Variants in MUC3A observed in about 807,000 individuals in gnomAD.
The protein encoded by MUC3A is mucin 3A, cell surface associated.
A neutral mutation model predicts 109.0 loss-of-function variants in MUC3A; 109 were observed. The ratio of observed to expected loss-of-function variants is 1.00; its 90% confidence interval spans 0.86 to 1.17. The LOEUF is 1.17. Among genes scored for constraint, MUC3A ranks in the 50% most tolerant of loss-of-function variants. MUC3A has a pLI of 0.00. For synonymous variants in MUC3A, 1,398 were observed against 981.4 expected (o/e 1.42, Z -7.93); for missense variants, 3,537 against 2,469.4 (o/e 1.43, Z -9.16).
At position 100,955,570 on chromosome 7, in the gene MUC3A, C is replaced by T; in HGVS notation, c.3791C>T (p.Pro1264Leu). Residue 1264 changes from proline to leucine, a missense_variant, in exon 2 of 12, where the codon CCA becomes CTA. Physicochemically the swap from Pro to Leu is moderately conservative, Grantham distance 98 (BLOSUM62 -3). Coordinates refer to ENST00000379458, the MANE Select transcript of MUC3A (RefSeq NM_005960.2). Reference protein sequence around the residue: ...MTSATTPSLRPTITSTDSTLT... With the variant: ...MTSATTPSLRLTITSTDSTLT... ...TCTGCCACCACTCCCAGTTTGAGACCAACTATCACAAGTACTGACAGCACT... is the reference window on the plus strand; with the variant it reads ...TCTGCCACCACTCCCAGTTTGAGACTAACTATCACAAGTACTGACAGCACT... The T allele has an allele frequency of 4.3e-6, 2 of 464,030 alleles. No individual in the cohort carries two copies. The highest frequency in any genetic ancestry group is 7.4e-6 in the Non-Finnish European group (2 of 269,110). The allele number at this position is 464,030 out of a possible 1,614,324, so 28.7% of individuals were successfully genotyped here. A position where few individuals can be genotyped will look rare whatever the true frequency, so the allele number is the denominator to read the frequency against.
rs747956433 is a variant in MUC3A at position 100,959,117 on chromosome 7, A to T, written c.7338A>T (p.Ser2446=). 2 of 1,409,802 alleles carry T rather than the reference A, an allele frequency of 1.4e-6. No individual in the cohort carries two copies. Among genetic ancestry groups the T allele is most frequent in the East Asian group, 5.1e-5 (2 of 39,556 alleles). 87.3% of individuals were successfully genotyped at this position (1,409,802 alleles called of 1,614,324 possible). The change falls in exon 2 of 12, where the codon TCA becomes TCT. Residue 2446 remains serine, a synonymous_variant. Transcript: ENST00000379458. ...AGAGTACTCCCAGCCTCAGTTCTTC[A>T]ACCATCTACTCCACAGTCAGCACAT... The part of the protein sequence containing the change: ...TSESTPSLSS[S]TIYSTVSTST...
At chr7:100,964,284 G>A (rs1444648794) in intron 5 of MUC3A, 5 of 156,778 alleles carry the variant, frequency 3.2e-5, no homozygotes, top group South Asian at 2.0e-4. Context: ...AGTAAAAATA[G>A]TAATAATAAT....
chr7:100,964,056 A>T, intron 5 of MUC3A: 1 of 568,472 alleles, frequency 1.8e-6, no homozygotes, highest in Non-Finnish European at 3.1e-6. Context: ...TGAGTGGGTC[A>T]GCATTAGAAA....
Position 100,949,547 on chromosome 7 carries a change from G to C in MUC3A, c.-78G>C. The C allele has an allele frequency of 8.0e-7, 1 of 1,247,220 alleles. No homozygotes were observed. Among genetic ancestry groups the C allele is most frequent in the South Asian group, 1.4e-5 (1 of 73,432 alleles). 77.3% of individuals were successfully genotyped at this position (1,247,220 alleles called of 1,614,324 possible). A position where few individuals can be genotyped will look rare whatever the true frequency, so the allele number is the denominator to read the frequency against. On this transcript the variant is annotated 5_prime_UTR_variant, in exon 1 of 12. Coordinates refer to ENST00000379458, the MANE Select transcript of MUC3A (RefSeq NM_005960.2). ...CCGATAACCAGCACTTTCATTACGTGCACGCCCCAGGGCCACGTCCCTGCC... is the reference window on the plus strand; with the variant it reads ...CCGATAACCAGCACTTTCATTACGTCCACGCCCCAGGGCCACGTCCCTGCC...
chr7:100,962,596 C>G (rs1041761075), intron 3 of MUC3A, among the ~76,000 whole-genome samples: 1 of 152,308 alleles, frequency 6.6e-6, no homozygotes, highest in Non-Finnish European at 1.5e-5. Flanking sequence ...TGCTTTCACT[C>G]ATCTCCACAC....
chr7:100,952,933 C>A lies in MUC3A; in HGVS notation c.1154C>A (p.Thr385Lys). The A allele has an allele frequency of 6.3e-7, 1 of 1,590,440 alleles. No individual in the cohort carries two copies. Among genetic ancestry groups the A allele is most frequent in the Non-Finnish European group, 8.5e-7 (1 of 1,176,232 alleles). Residue 385 changes from threonine (T) to lysine (K), a missense_variant, in exon 2 of 12, where the codon ACA becomes AAA. Transcript: ENST00000379458. ...ACAGAAACAGCCACGACTCCTATGA[C>A]AAACTTGGTAACCACCACCACTGAG... ...PTTETATTPM[T>K]NLVTTTTEIS...
Position 100,952,133 on chromosome 7 carries a change from C to A in MUC3A, c.354C>A (p.Thr118=). ...TCAAGGTTGAAACCACTCCACCCAC[C>A]GTGTTGGTCTATTCAGCCACCACTG... ...FAFKVETTPP[T]VLVYSATTEC... is the part of the protein sequence containing the mutation. The change falls in exon 2 of 12, where the codon ACC becomes ACA. Residue 118 remains threonine, a synonymous_variant. Transcript: ENST00000379458. The A allele has an allele frequency of 6.3e-7, 1 of 1,598,544 alleles. No individual in the cohort carries two copies. Among genetic ancestry groups the A allele is most frequent in the South Asian group, 1.1e-5 (1 of 91,088 alleles).
Position 100,960,032 on chromosome 7 carries a change from T to C in MUC3A, c.8253T>C (p.Ala2751=). The change falls in exon 2 of 12, where the codon GCT becomes GCC. Residue 2751 remains alanine (A), a synonymous_variant. Transcript: ENST00000379458. ...CAACCAGCTCCTCTCTGACCACAGC[T>C]CTCACTGAAATAACCCCCTTTTCTT... ...TSSTSSSLTT[A]LTEITPFSYI... 6.6e-7 allele frequency: 1 copy of C among 1,509,740 alleles called. No individual in the cohort carries two copies. Among genetic ancestry groups the C allele is most frequent in the Non-Finnish European group, 8.8e-7 (1 of 1,140,516 alleles). 93.5% of individuals were successfully genotyped at this position (1,509,740 alleles called of 1,614,324 possible). A position where few individuals can be genotyped will look rare whatever the true frequency, so the allele number is the denominator to read the frequency against.
rs1792566209 is a variant in MUC3A, at chr7:100,966,485, G to C, written c.9711G>C (p.Leu3237=). ...GGGGCCTGACGGCCGGCGCCGCGCT[G>C]CTGGTGCTGCTGCTGCTGGCGCTGG... ...LVGGLTAGAA[L]LVLLLLALGV... Residue 3237 remains leucine, a synonymous_variant, in exon 9 of 12, where the codon CTG becomes CTC. Transcript: ENST00000379458. 1.3e-5 allele frequency: 17 copies of C among 1,317,440 alleles called. No individual in the cohort carries two copies. The highest frequency in any genetic ancestry group is 1.5e-5 in the Non-Finnish European group (16 of 1,042,994). The allele number at this position is 1,317,440 out of a possible 1,614,324, so 81.6% of individuals were successfully genotyped here.
Position 100,960,435 on chromosome 7 carries a change from G to T in MUC3A, c.8656G>T (p.Val2886Phe), listed in dbSNP as rs759164409. 9.5e-5 allele frequency: 152 copies of T among 1,598,552 alleles called. No homozygotes were observed. In the South Asian group the frequency reaches 1.6e-3, roughly 16 times the overall value. ...TGTGATCCCCCTACCTCTTCCTGGC[G>T]TCTCTACCATCCCGCTCACCATGAA... Reference protein sequence around the residue: ...SSVIPLPLPGVSTIPLTMKPS... With the variant: ...SSVIPLPLPGFSTIPLTMKPS... Residue 2886 changes from valine to phenylalanine, a missense_variant, in exon 2 of 12, where the codon GTC becomes TTC. By Grantham distance (50) the Val-to-Phe change is conservative. Transcript: ENST00000379458.
At chr7:100,962,421 A>G (rs1006147723) in intron 3 of MUC3A, among the ~76,000 whole-genome samples, 2 of 152,262 alleles carry the variant, frequency 1.3e-5, no homozygotes, top group East Asian at 1.9e-4. Flanking sequence ...CTATCTCAAC[A>G]ATAAAAAAAA....
rs1792619221 is a variant in MUC3A at position 100,967,145 on chromosome 7, A to T, written c.9955A>T (p.Thr3319Ser). Residue 3319 changes from threonine (T) to serine (S), a missense_variant, in exon 12 of 12, where the codon ACC (threonine) becomes TCC (serine). Physicochemically the swap from Thr to Ser is moderately conservative, Grantham distance 58 (BLOSUM62 1). Transcript: ENST00000379458. ...GGTGCACATCAAGAGACCCGAGATG[A>T]CCTCGTCCTCAGTGTGAGCCCTGCG... ...MKVHIKRPEM[T>S]SSSV The T allele has an allele frequency of 6.3e-7, 1 of 1,598,422 alleles. No homozygotes were observed. The highest frequency in any genetic ancestry group is 1.7e-5 in the Admixed American group (1 of 60,010).
chr7:100,962,231 C>CAAAAAAAAA (rs1171031869), intron 3 of MUC3A, among the ~76,000 whole-genome samples: 7 of 15,032 alleles, frequency 4.7e-4, no homozygotes, highest in South Asian at 7.7e-3. Context: ...GACTCCGTCT[C>CAAAAAAAAA]AAAAAAAAAA....
At position 100,955,503 on chromosome 7, in the gene MUC3A, A is replaced by C; in HGVS notation, c.3724A>C (p.Ser1242Arg). ...CACAAGTGTCATTCCATCTTCCCCC[A>C]GCATCCAGAATACAGAAACCTCATC... ...MSTSVIPSSP[S>R]IQNTETSSLV... The change falls in exon 2 of 12, where the codon AGC becomes CGC. Residue 1242 changes from serine (S) to arginine (R), a missense_variant. By Grantham distance (110) the Ser-to-Arg change is moderately radical. Coordinates refer to ENST00000379458, the MANE Select transcript of MUC3A (RefSeq NM_005960.2). 2 of 531,438 alleles carry C rather than the reference A, an allele frequency of 3.8e-6. No individual in the cohort carries two copies. The highest frequency in any genetic ancestry group is 6.6e-6 in the Non-Finnish European group (2 of 304,054). The allele number at this position is 531,438 out of a possible 1,614,324, so 32.9% of individuals were successfully genotyped here. A position where few individuals can be genotyped will look rare whatever the true frequency, so the allele number is the denominator to read the frequency against.
In MUC3A at chr7:100,964,820, T is replaced by G. The variant is rs6960868; in HGVS notation, c.9359T>G (p.Val3120Gly). Reference protein sequence around the residue: ...KEGLQNASQDVNSCQDSQTLC... With the variant: ...KEGLQNASQDGNSCQDSQTLC... ...GGGCTGCAGAACGCCAGCCAGGATG[T>G]GAACAGCTGCCAGGACTCCCAGAGT... Residue 3120 changes from valine (V) to glycine (G), a missense_variant, in exon 6 of 12, where the codon GTG (valine) becomes GGG (glycine). Val to Gly is a moderately radical substitution (Grantham distance 109, BLOSUM62 -3). Coordinates refer to ENST00000379458, the MANE Select transcript of MUC3A (RefSeq NM_005960.2). 2.5e-6 allele frequency: 4 copies of G among 1,593,006 alleles called. No individual in the cohort carries two copies. The highest frequency in any genetic ancestry group is 2.2e-5 in the East Asian group (1 of 44,570).
rs1584799992 is a variant in MUC3A at position 100,952,998 on chromosome 7, A to G, written c.1219A>G (p.Ile407Val). 5.0e-6 allele frequency: 8 copies of G among 1,593,096 alleles called. No individual in the cohort carries two copies. The highest frequency in any genetic ancestry group is 6.8e-6 in the Non-Finnish European group (8 of 1,174,792). The part of the protein sequence containing the change: ...HSTPSFSSST[I>V]YSTVSTSTTA... The stretch of plus-strand genomic sequence containing the variant: ...TACTCCCAGCTTCTCTTCATCAACC[A>G]TCTACTCCACAGTCAGCACATCCAC... The change falls in exon 2 of 12, where the codon ATC (isoleucine) becomes GTC (valine). Residue 407 changes from isoleucine (I) to valine (V), a missense_variant. Coordinates refer to ENST00000379458, the MANE Select transcript of MUC3A (RefSeq NM_005960.2).
In MUC3A at chr7:100,965,742, T is replaced by G; in HGVS notation, c.9487T>G (p.Phe3163Val). The change falls in exon 8 of 12, where the codon TTC (phenylalanine) becomes GTC (valine). Residue 3163 changes from phenylalanine (F) to valine (V), a missense_variant. Physicochemically the swap from Phe to Val is conservative, Grantham distance 50. Coordinates refer to ENST00000379458, the MANE Select transcript of MUC3A (RefSeq NM_005960.2). ...RRAAPTGYEEFYFPLVEATRL... is the reference protein window; with the variant it reads ...RRAAPTGYEEVYFPLVEATRL... Reference sequence around the variant, plus strand: ...CGCCGCTCCCACGGGCTATGAAGAGTTCTACTTCCCCTTGGTGGAGGCCAC... The same window carrying G: ...CGCCGCTCCCACGGGCTATGAAGAGGTCTACTTCCCCTTGGTGGAGGCCAC... 1 of 1,598,386 alleles carries G rather than the reference T, an allele frequency of 6.3e-7. No homozygotes were observed. Among genetic ancestry groups the G allele is most frequent in the Non-Finnish European group, 8.5e-7 (1 of 1,179,758 alleles).
intron 4 of MUC3A, 37 bp downstream of exon 4, chr7:100,963,303 T>TTTTTTTTTTGG (rs1554459579): frequency 7.2e-7 from 1 of 1,390,364 alleles, no homozygotes. Flanking sequence ...TTTTTTTTTT[T>TTTTTTTTTTGG]GAGGTGTAGT....
intron 5 of MUC3A, chr7:100,964,206 G>A (rs1792444259): frequency 4.1e-6 from 1 of 243,150 alleles, no homozygotes; most frequent in Admixed American, 5.1e-5. Flanking sequence ...GGTAGGCTAG[G>A]CGGGTGGATC....
Sources: allele counts gnomAD v4.1 joint callset (sites outside exome capture counted in the v4.1 genomes callset), GRCh38; gene constraint gnomAD v4.1.1; transcripts MANE v1.5; gene names NCBI Gene and HGNC (gene_info 2026-07-23, HGNC 2026-07-21).